SARM1: variants seen among roughly 807,000 people sequenced by gnomAD.
SARM1 encodes sterile alpha and TIR motif containing 1, also known as NAD(+) hydrolase SARM1.
A neutral mutation model predicts 65.1 loss-of-function variants in SARM1; 60 were observed. The ratio of observed to expected loss-of-function variants is 0.92; its 90% confidence interval spans 0.75 to 1.14. The LOEUF (loss-of-function observed/expected upper bound fraction) is 1.14, where lower values mean the gene tolerates loss of function less well. SARM1 is among the 50% of genes most tolerant of loss of function. The pLI, the probability that SARM1 is intolerant of heterozygous loss-of-function variation, is 0.00. For missense variants in SARM1, 913 were observed against 1,015.7 expected, an observed-to-expected ratio of 0.90 and a Z score of 1.37; for synonymous variants, 417 against 465.4, an observed-to-expected ratio of 0.90 and a Z score of 1.34.
chr17:28,402,394 T>C lies in SARM1; in HGVS notation c.*6108T>C. 7.6e-7 allele frequency: 1 copy of C among 1,312,454 alleles called. No individual in the cohort carries two copies. The highest frequency in any genetic ancestry group is 1.1e-6 in the Non-Finnish European group (1 of 924,754). The allele number at this position is 1,312,454 out of a possible 1,614,324, so 81.3% of individuals were successfully genotyped here. A position where few individuals can be genotyped will look rare whatever the true frequency, so the allele number is the denominator to read the frequency against. On this transcript the variant is annotated 3_prime_UTR_variant, in exon 9 of 9. Transcript: ENST00000585482. ...GCGTCCAAGGGAAAGGCAGCAGAGC[T>C]CCTATCCATACCCCACGTGGGGCTT... is the stretch of plus-strand genomic sequence containing the variant.
chr17:28,380,755 C>A (rs2068018228), intron 1 of SARM1, among the ~76,000 whole-genome samples: 1 of 152,258 alleles, frequency 6.6e-6, no homozygotes, highest in East Asian at 1.9e-4. Context: ...TTGTGCCAAG[C>A]ACTCTATAAG....
Position 28,384,948 on chromosome 17 carries a change from C to T in SARM1, c.1394+18C>T. 1 of 1,574,566 alleles carries T rather than the reference C, an allele frequency of 6.4e-7. No homozygotes were observed. Among genetic ancestry groups the T allele is most frequent in the Non-Finnish European group, 8.6e-7 (1 of 1,159,722 alleles). ...CGCAAGAGGTACGGAGCCTCCTGCC[C>T]GCCGGACCCCAGCTAGGTCTAAATA... is the stretch of plus-strand genomic sequence containing the variant. On this transcript the variant is annotated intron_variant, in intron 4 of 8. Coordinates refer to ENST00000585482, the MANE Select transcript of SARM1 (RefSeq NM_015077.4). The surrounding 1 kb of genome is among the most constrained non-coding windows in gnomAD (Gnocchi z 4.4).
Position 28,372,214 on chromosome 17 carries a change from T to A in SARM1, c.182T>A (p.Val61Glu), listed in dbSNP as rs937668150. Residue 61 changes from valine to glutamate, a missense_variant, in exon 1 of 9, where the codon GTG (valine) becomes GAG (glutamate). This residue lies in a region of SARM1 where 862 missense variants were observed against 952.1 expected (regional missense o/e 0.91). Transcript: ENST00000585482. The surrounding 1 kb of genome is among the most constrained non-coding windows in gnomAD (Gnocchi z 5.2). Reference protein sequence around the residue: ...REVSPGAGTEVQDALERALPE... With the variant: ...REVSPGAGTEEQDALERALPE... ...GTGTCGCCGGGGGCAGGCACCGAGGTGCAGGACGCCCTGGAGCGCGCGCTG... is the reference window on the plus strand; with the variant it reads ...GTGTCGCCGGGGGCAGGCACCGAGGAGCAGGACGCCCTGGAGCGCGCGCTG... The A allele has an allele frequency of 2.2e-6, 3 of 1,384,954 alleles. No homozygotes were observed. The African/African-American group carries it at 4.6e-5, about 21-fold the overall frequency. 85.8% of individuals were successfully genotyped at this position (1,384,954 alleles called of 1,614,324 possible).
In SARM1 at chr17:28,388,232, T is replaced by C. The variant is rs2068062473; in HGVS notation, c.1689T>C (p.Asp563=). The change falls in exon 6 of 9, where the codon GAT becomes GAC. Residue 563 remains aspartate, a synonymous_variant. Transcript: ENST00000585482. ...GCAAACCCAGTGGGGACACTCCAGATGTCTTCATCAGCTACCGCCGGAACT... is the reference window on the plus strand; with the variant it reads ...GCAAACCCAGTGGGGACACTCCAGACGTCTTCATCAGCTACCGCCGGAACT... ...TGGKPSGDTP[D]VFISYRRNSG... is the part of the protein sequence containing the mutation. 1 of 1,551,322 alleles carries C rather than the reference T, an allele frequency of 6.4e-7. No homozygotes were observed. Among genetic ancestry groups the C allele is most frequent in the African/African-American group, 1.4e-5 (1 of 73,166 alleles).
intron 1 of SARM1, among the ~76,000 whole-genome samples, chr17:28,376,252 T>C: frequency 6.6e-6 from 1 of 152,004 alleles, no homozygotes; most frequent in African/African-American, 2.4e-5. Flanking sequence ...CTCAGGTAAG[T>C]CCTCTGAAAA....
Position 28,384,785 on chromosome 17 carries a change from G to A in SARM1, c.1303-54G>A. The A allele has an allele frequency of 2.0e-6, 3 of 1,479,946 alleles. No individual in the cohort carries two copies. The highest frequency in any genetic ancestry group is 2.8e-6 in the Non-Finnish European group (3 of 1,081,796). 91.7% of individuals were successfully genotyped at this position (1,479,946 alleles called of 1,614,324 possible). On this transcript the variant is annotated intron_variant, in intron 3 of 8. Transcript: ENST00000585482. This position sits in a 1 kb window ranked among gnomAD's most constrained non-coding sequence, Gnocchi z 4.4. ...GTTCCTTCCCTTGCATCTTGTGCTC[G>A]AGGTCCAAGGGCGGAGTAGCGAAGC...
rs1487575967 is a variant in SARM1, at chr17:28,372,163, C to G, written c.131C>G (p.Ala44Gly). ...DGGGGTGPWW[A>G]AGGRGPREVS... ...GGCGGTGGCACGGGCCCATGGTGGGCTGCGGGTGGCCGCGGGCCCCGCGAA... is the reference window on the plus strand; with the variant it reads ...GGCGGTGGCACGGGCCCATGGTGGGGTGCGGGTGGCCGCGGGCCCCGCGAA... The change falls in exon 1 of 9, where the codon GCT becomes GGT. Residue 44 changes from alanine to glycine, a missense_variant. Transcript: ENST00000585482. This position sits in a 1 kb window ranked among gnomAD's most constrained non-coding sequence, Gnocchi z 5.2. 1.5e-6 allele frequency: 2 copies of G among 1,371,980 alleles called. No individual in the cohort carries two copies. Among genetic ancestry groups the G allele is most frequent in the Admixed American group, 3.9e-5 (1 of 25,934 alleles). 85.0% of individuals were successfully genotyped at this position (1,371,980 alleles called of 1,614,324 possible).
intron 5 of SARM1, among the ~76,000 whole-genome samples, chr17:28,387,343 G>A (rs534834506): frequency 6.0e-5 from 9 of 150,904 alleles, no homozygotes; most frequent in African/African-American, 1.5e-4. Context: ...AGTGATTCTC[G>A]TGCCTCAGCC....
Position 28,402,133 on chromosome 17 carries a change from G to C in SARM1, c.*5847G>C, listed in dbSNP as rs782651479. On this transcript the variant is annotated 3_prime_UTR_variant, in exon 9 of 9. Transcript: ENST00000585482. ...TTTTGGCCACTTACTTCTCCAGGGT[G>C]AGAGGGGGGAAGGCAAGCTGTTCCC... is the stretch of plus-strand genomic sequence containing the variant. 2 of 944,902 alleles carry C rather than the reference G, an allele frequency of 2.1e-6. No homozygotes were observed. Among genetic ancestry groups the C allele is most frequent in the Non-Finnish European group, 3.2e-6 (2 of 632,722 alleles). The allele number at this position is 944,902 out of a possible 1,614,324, so 58.5% of individuals were successfully genotyped here.
At position 28,381,183 on chromosome 17, in the gene SARM1, C is replaced by T; in HGVS notation, c.471-20C>T. ...CAAGCTGCGGCAATTCCACTGTCCC[C>T]TTCCACTTTCACTGGGCAGAGACCG... On this transcript the variant is annotated intron_variant, in intron 1 of 8. Coordinates refer to ENST00000585482, the MANE Select transcript of SARM1 (RefSeq NM_015077.4). The T allele has an allele frequency of 6.4e-7, 1 of 1,571,402 alleles. No homozygotes were observed. The highest frequency in any genetic ancestry group is 1.2e-5 in the South Asian group (1 of 82,298).
chr17:28,388,584 G>A, intron 7 of SARM1, 45 bp downstream of exon 7: 2 of 1,583,594 alleles, frequency 1.3e-6, no homozygotes, highest in Non-Finnish European at 1.7e-6. Flanking sequence ...TTGGCCTGTG[G>A]TCCAGAAGAT....
Position 28,400,868 on chromosome 17 carries a change from T to C in SARM1, c.*4582T>C, listed in dbSNP as rs944648664. ...TGTGACCGGGAGTAGTCACTTAACCTATGTCTCCCCTTCCTCACCAGTAAA... is the reference window on the plus strand; with the variant it reads ...TGTGACCGGGAGTAGTCACTTAACCCATGTCTCCCCTTCCTCACCAGTAAA... On this transcript the variant is annotated 3_prime_UTR_variant, in exon 9 of 9. Coordinates refer to ENST00000585482, the MANE Select transcript of SARM1 (RefSeq NM_015077.4). 8 of 1,027,856 alleles carry C rather than the reference T, an allele frequency of 7.8e-6. No individual in the cohort carries two copies. The Admixed American group carries it at 1.6e-4, about 20-fold the overall frequency. 63.7% of individuals were successfully genotyped at this position (1,027,856 alleles called of 1,614,324 possible).
intron 7 of SARM1, among the ~76,000 whole-genome samples, chr17:28,389,886 G>A (rs782271034): frequency 4.6e-5 from 7 of 152,128 alleles, no homozygotes; most frequent in Admixed American, 6.5e-5. Flanking sequence ...TGACTAGATC[G>A]CATACAAGTT....
chr17:28,402,278 G>A lies in SARM1; in HGVS notation c.*5992G>A. On this transcript the variant is annotated 3_prime_UTR_variant, in exon 9 of 9. Transcript: ENST00000585482. ...TCACCAGCTTGGAGAGTTTAGCCCG[G>A]ATGACAGGTGTGATGACTAATGACA... 1 of 1,613,618 alleles carries A rather than the reference G, an allele frequency of 6.2e-7. No homozygotes were observed. Among genetic ancestry groups the A allele is most frequent in the Non-Finnish European group, 8.5e-7 (1 of 1,179,760 alleles).
rs1555585982 is a variant in SARM1 at position 28,385,931 on chromosome 17, A to G, written c.1630+656A>G. Reference sequence around the variant, plus strand: ...TCCCATCAGTCTCTATATTGATTCTATGCAATGAGTGTTCAGTTTTTAAAA... The same window carrying G: ...TCCCATCAGTCTCTATATTGATTCTGTGCAATGAGTGTTCAGTTTTTAAAA... On this transcript the variant is annotated intron_variant, in intron 5 of 8. Transcript: ENST00000585482. The surrounding 1 kb of genome is among the most constrained non-coding windows in gnomAD (Gnocchi z 4.5). 5.9e-5 allele frequency among the ~76,000 whole-genome samples: 9 copies of G among 152,200 alleles called. No individual in the cohort carries two copies. Among genetic ancestry groups the G allele is most frequent in the Non-Finnish European group, 1.0e-4 (7 of 68,034 alleles).
Position 28,388,189 on chromosome 17 carries a change from C to T in SARM1, c.1646C>T (p.Pro549Leu), listed in dbSNP as rs1241475032. Residue 549 changes from proline to leucine, a missense_variant, in exon 6 of 9, where the codon CCG becomes CTG. By Grantham distance (98) the Pro-to-Leu change is moderately conservative. This residue lies in a region of SARM1 where 862 missense variants were observed against 952.1 expected (regional missense o/e 0.91). Transcript: ENST00000585482. ...CCCACTTCAGAAATGCTACACTCCCCGCTGCCCTGTACTGGTGGCAAACCC... is the reference window on the plus strand; with the variant it reads ...CCCACTTCAGAAATGCTACACTCCCTGCTGCCCTGTACTGGTGGCAAACCC... ...LTAAREMLHS[P>L]LPCTGGKPSG... 13 of 1,549,580 alleles carry T rather than the reference C, an allele frequency of 8.4e-6. No individual in the cohort carries two copies. The highest frequency in any genetic ancestry group is 5.5e-5 in the African/African-American group (4 of 72,948).
Position 28,384,570 on chromosome 17 carries a change from G to A in SARM1, c.1302+1G>A. 1 of 1,595,744 alleles carries A rather than the reference G, an allele frequency of 6.3e-7. No homozygotes were observed. Among genetic ancestry groups the A allele is most frequent in the Non-Finnish European group, 8.5e-7 (1 of 1,171,530 alleles). ...CTCCAAGTACTGCGAGAGCTTCCGG[G>A]TAGAGTCGCGTGGGATACGCCTCCC... On this transcript the variant is annotated splice_donor_variant, in intron 3 of 8. Transcript: ENST00000585482. LOFTEE classifies it high-confidence loss of function. The surrounding 1 kb of genome is among the most constrained non-coding windows in gnomAD (Gnocchi z 4.4).
chr17:28,393,444 G>C (rs2068090991), intron 7 of SARM1, among the ~76,000 whole-genome samples: 1 of 152,014 alleles, frequency 6.6e-6, no homozygotes, highest in Non-Finnish European at 1.5e-5. Context: ...CCAGCTACTT[G>C]GGAGGCTGAG....
rs1003506774 is a variant in SARM1, at chr17:28,399,256, C to A, written c.*2970C>A. On this transcript the variant is annotated 3_prime_UTR_variant, in exon 9 of 9. Coordinates refer to ENST00000585482, the MANE Select transcript of SARM1 (RefSeq NM_015077.4). Reference sequence around the variant, plus strand: ...TGATGACTGCTACACGTGTTGGGAACCTGGTTGGGGCTGTGCAGTTTGGGC... The same window carrying A: ...TGATGACTGCTACACGTGTTGGGAAACTGGTTGGGGCTGTGCAGTTTGGGC... 1.6e-5 allele frequency: 3 copies of A among 191,084 alleles called. No homozygotes were observed. Among genetic ancestry groups the A allele is most frequent in the South Asian group, 2.3e-4 (2 of 8,608 alleles). The allele number at this position is 191,084 out of a possible 1,614,324, so 11.8% of individuals were successfully genotyped here. A position where few individuals can be genotyped will look rare whatever the true frequency, so the allele number is the denominator to read the frequency against.
Sources: allele counts gnomAD v4.1 joint callset (sites outside exome capture counted in the v4.1 genomes callset), GRCh38; gene constraint gnomAD v4.1.1; regional missense constraint gnomAD v4.1.1; non-coding constraint Gnocchi (gnomAD v3.1); transcripts MANE v1.5; gene names NCBI Gene and HGNC (gene_info 2026-07-23, HGNC 2026-07-21).